The following ITGA4 variants were observed in gnomAD, a reference collection of about 807,000 sequenced individuals.
ITGA4 encodes the protein integrin alpha-4.
ITGA4 carries 63 observed loss-of-function variants against 133.6 expected under a neutral mutation model. The ratio of observed to expected loss-of-function variants is 0.47; its 90% CI spans 0.38 to 0.58. The LOEUF (loss-of-function observed/expected upper bound fraction) is 0.58, where lower values mean the gene tolerates loss of function less well. Ranked by LOEUF, ITGA4 falls within the 20% of genes least tolerant of loss-of-function variation. ITGA4 has a pLI of 0.00. For missense variants in ITGA4, 1,076 were observed against 1,252.7 expected (o/e 0.86, Z 2.13); for synonymous variants, 483 against 438.0 (o/e 1.10, Z -1.28).
In ITGA4 at chr2:181,537,812, A is replaced by G; in HGVS notation, c.*2285A>G. The G allele has an allele frequency of 2.1e-6, 1 of 472,408 alleles. No homozygotes were observed. Among genetic ancestry groups the G allele is most frequent in the Non-Finnish European group, 4.2e-6 (1 of 239,308 alleles). 29.3% of individuals were successfully genotyped at this position (472,408 alleles called of 1,614,324 possible). A position where few individuals can be genotyped will look rare whatever the true frequency, so the allele number is the denominator to read the frequency against. On this transcript the variant is annotated 3_prime_UTR_variant, in exon 28 of 28. Transcript: ENST00000397033. ...ATTTCATCTTGACTTTTAAAGCCCT[A>G]GAGGCTAATTGTTAGTAACATCAAT...
chr2:181,518,061 G>A (rs186126838), intron 17 of ITGA4, among the ~76,000 whole-genome samples: 1 of 151,978 alleles, frequency 6.6e-6, no homozygotes, highest in South Asian at 2.1e-4. Flanking sequence ...GGGGTGGGGG[G>A]GCAGGATGTG....
At chr2:181,526,850 T>C (rs1387142751) in intron 21 of ITGA4, among the ~76,000 whole-genome samples, 1 of 130,378 alleles carries the variant, frequency 7.7e-6, no homozygotes, top group Non-Finnish European at 1.6e-5. Context: ...TTTTTTTTTT[T>C]TTTAAGAGTC....
chr2:181,475,790 C>T, intron 4 of ITGA4: 14 of 1,582,484 alleles, frequency 8.8e-6, no homozygotes, highest in Non-Finnish European at 1.2e-5. Flanking sequence ...GAGTTTGAAA[C>T]ATTTTTCTCA....
In ITGA4 at chr2:181,481,749, T is replaced by C. The variant is rs1392256042; in HGVS notation, c.840+66T>C. On this transcript the variant is annotated intron_variant, in intron 7 of 27. Coordinates refer to ENST00000397033, the MANE Select transcript of ITGA4 (RefSeq NM_000885.6). ...CAAATATATTGCATGAATAAGATAT[T>C]AAAGGAGAAACTGTGAATGTTGTAA... 5 of 668,592 alleles carry C rather than the reference T, an allele frequency of 7.5e-6. No individual in the cohort carries two copies. The East Asian group carries it at 1.5e-4, about 20-fold the overall frequency. 41.4% of individuals were successfully genotyped at this position (668,592 alleles called of 1,614,324 possible).
intron 17 of ITGA4, among the ~76,000 whole-genome samples, chr2:181,521,149 C>T (rs1489327909): frequency 8.5e-5 from 13 of 152,164 alleles, no homozygotes; most frequent in Admixed American, 8.5e-4. Context: ...GTAAATGCTT[C>T]TCTACTTTTA....
At chr2:181,493,201 A>C in intron 10 of ITGA4, 124 bp from the exon 11 acceptor site, 1 of 619,116 alleles carries the variant, frequency 1.6e-6, no homozygotes, top group Non-Finnish European at 2.9e-6. Context: ...GTCTGAGAAG[A>C]CTGTTATTTT....
rs758665315 is a variant in ITGA4, at chr2:181,538,530, G to T, written c.*3003G>T. Reference sequence around the variant, plus strand: ...ACACCCATGTCTAGTGGGCACCCCTGCATGCTTCTTCTAACCACTGAGTGT... The same window carrying T: ...ACACCCATGTCTAGTGGGCACCCCTTCATGCTTCTTCTAACCACTGAGTGT... On this transcript the variant is annotated 3_prime_UTR_variant, in exon 28 of 28. Transcript: ENST00000397033. Among the ~76,000 whole-genome samples the T allele has an allele frequency of 6.6e-6, 1 of 152,184 alleles. No individual in the cohort carries two copies. The highest frequency in any genetic ancestry group is 2.4e-5 in the African/African-American group (1 of 41,542).
intron 2 of ITGA4, among the ~76,000 whole-genome samples, chr2:181,469,672 T>C (rs1685499145): frequency 6.6e-6 from 1 of 152,140 alleles, no homozygotes; most frequent in Non-Finnish European, 1.5e-5. Context: ...AACCCAAATG[T>C]CCATCAATGT....
chr2:181,471,625 C>T (rs1270373903), intron 2 of ITGA4, among the ~76,000 whole-genome samples: 1 of 152,090 alleles, frequency 6.6e-6, no homozygotes, highest in Non-Finnish European at 1.5e-5. Flanking sequence ...TATTAGAAGG[C>T]AACTATTGTT....
intron 2 of ITGA4, among the ~76,000 whole-genome samples, chr2:181,468,060 C>T (rs1440388337): frequency 2.6e-5 from 4 of 152,188 alleles, no homozygotes; most frequent in African/African-American, 9.7e-5. Flanking sequence ...TGGCAACTAA[C>T]ATTTGCATGT....
chr2:181,534,403 T>G (rs1268584714), intron 26 of ITGA4, 33 bp downstream of exon 26: 3 of 1,225,084 alleles, frequency 2.4e-6, no homozygotes. Context: ...TACATTAAAA[T>G]TATAGGAAAA....
chr2:181,466,296 T>TA (rs200326847), intron 2 of ITGA4, among the ~76,000 whole-genome samples: 3,929 of 151,092 alleles, frequency 0.026, 73 homozygotes, highest in African/African-American at 0.047. Context: ...TAGAATAAGA[T>TA]AAAAAAAAAT....
chr2:181,458,577 C>T (rs1685191505), intron 2 of ITGA4: 3 of 470,950 alleles, frequency 6.4e-6, no homozygotes, highest in Non-Finnish European at 1.2e-5. Context: ...ATGATACCTT[C>T]TCTTCATCTC....
rs1311009440 is a variant in ITGA4 at position 181,537,167 on chromosome 2, G to A, written c.*1640G>A. On this transcript the variant is annotated 3_prime_UTR_variant, in exon 28 of 28. Coordinates refer to ENST00000397033, the MANE Select transcript of ITGA4 (RefSeq NM_000885.6). Reference sequence around the variant, plus strand: ...TATAAAAAGGCTAGTCATTCTTTCAGGAGAACATCTAGGATCATAGATGAA... The same window carrying A: ...TATAAAAAGGCTAGTCATTCTTTCAAGAGAACATCTAGGATCATAGATGAA... 2.2e-6 allele frequency: 1 copy of A among 453,888 alleles called. No individual in the cohort carries two copies. Among genetic ancestry groups the A allele is most frequent in the East Asian group, 6.9e-5 (1 of 14,394 alleles). 28.1% of individuals were successfully genotyped at this position (453,888 alleles called of 1,614,324 possible). A position where few individuals can be genotyped will look rare whatever the true frequency, so the allele number is the denominator to read the frequency against.
At chr2:181,475,647 G>A (rs1045970381) in intron 4 of ITGA4, among the ~76,000 whole-genome samples, 5 of 152,100 alleles carry the variant, frequency 3.3e-5, no homozygotes, top group African/African-American at 9.7e-5. Context: ...AAGACTTTAG[G>A]TTTCCTTTTT....
chr2:181,465,608 G>A (rs1357563960), intron 2 of ITGA4, among the ~76,000 whole-genome samples: 2 of 152,108 alleles, frequency 1.3e-5, no homozygotes, highest in Non-Finnish European at 2.9e-5. Flanking sequence ...AAATCCAAGA[G>A]ATTAATTGAA....
Position 181,523,278 on chromosome 2 carries a change from C to G in ITGA4, c.2074-159C>G. The G allele has an allele frequency of 1.8e-6, 1 of 548,486 alleles. No individual in the cohort carries two copies. 34.0% of individuals were successfully genotyped at this position (548,486 alleles called of 1,614,324 possible). A position where few individuals can be genotyped will look rare whatever the true frequency, so the allele number is the denominator to read the frequency against. The stretch of plus-strand genomic sequence containing the variant: ...TACACACATGCACACATATTTATAT[C>G]ATATGTCTATTTATCTCAAACATAT... On this transcript the variant is annotated intron_variant, in intron 18 of 27. Coordinates refer to ENST00000397033, the MANE Select transcript of ITGA4 (RefSeq NM_000885.6). The surrounding 1 kb of genome is among the most constrained non-coding windows in gnomAD (Gnocchi z 4.2).
intron 10 of ITGA4, among the ~76,000 whole-genome samples, chr2:181,490,449 G>T (rs1686024275): frequency 2.7e-5 from 1 of 36,632 alleles, no homozygotes; most frequent in African/African-American, 1.1e-4. Context: ...CAGAATACAT[G>T]ATTTCATTTT....
intron 15 of ITGA4, among the ~76,000 whole-genome samples, chr2:181,500,393 C>G (rs1484172651): frequency 6.6e-6 from 1 of 152,058 alleles, no homozygotes; most frequent in Non-Finnish European, 1.5e-5. Context: ...TTGTACTTTC[C>G]CACCTCCACC....
Sources: allele counts gnomAD v4.1 joint callset (sites outside exome capture counted in the v4.1 genomes callset), GRCh38; gene constraint gnomAD v4.1.1; non-coding constraint Gnocchi (gnomAD v3.1); transcripts MANE v1.5; gene names NCBI Gene and HGNC (gene_info 2026-07-23, HGNC 2026-07-21).